FZD3: variants seen among roughly 807,000 people sequenced by gnomAD.
FZD3 encodes frizzled-3.
FZD3 carries 30 observed loss-of-function variants against 60.7 expected under a neutral mutation model. That is an observed-to-expected ratio of 0.49 (90% CI 0.37 to 0.67). FZD3 has a LOEUF of 0.67. Among genes scored for constraint, FZD3 ranks in the 30% least tolerant of loss-of-function variants. FZD3 has a pLI of 0.00. For missense variants in FZD3, 605 were observed against 838.7 expected, an observed-to-expected ratio of 0.72 and a Z score of 3.44; for synonymous variants, 246 against 275.2, an observed-to-expected ratio of 0.89 and a Z score of 1.05.
Position 28,509,381 on chromosome 8 carries a change from C to T in FZD3, c.189+6179C>T, listed in dbSNP as rs150880394. ...TTCACCTTTTTTGATACAGTTATAACGTTTGTTTTCCCCACACTGGTTTTT... is the reference window on the plus strand; with the variant it reads ...TTCACCTTTTTTGATACAGTTATAATGTTTGTTTTCCCCACACTGGTTTTT... On this transcript the variant is annotated intron_variant, in intron 3 of 7. Transcript: ENST00000240093. Among the ~76,000 whole-genome samples, 5 of 151,548 alleles carry T rather than the reference C, an allele frequency of 3.3e-5. No individual in the cohort carries two copies. The East Asian group carries it at 9.7e-4, about 29-fold the overall frequency.
At chr8:28,512,901 AG>A (rs1161615497) in intron 3 of FZD3, among the ~76,000 whole-genome samples, 1 of 152,208 alleles carries the variant, frequency 6.6e-6, no homozygotes, top group African/African-American at 2.4e-5. Flanking sequence ...TTTTATGGAT[AG>A]GCTTTTTAGA....
At chr8:28,512,736 A>G (rs1343069383) in intron 3 of FZD3, among the ~76,000 whole-genome samples, 1 of 152,132 alleles carries the variant, frequency 6.6e-6, no homozygotes, top group Non-Finnish European at 1.5e-5. Flanking sequence ...GCAAAGTGCT[A>G]AGGTGATTCA....
chr8:28,513,854 C>G (rs1286496609), intron 3 of FZD3, among the ~76,000 whole-genome samples: 1 of 152,150 alleles, frequency 6.6e-6, no homozygotes, highest in Non-Finnish European at 1.5e-5. Context: ...TCTCGTGAGT[C>G]AAATTTTGGC....
chr8:28,562,997 G>A lies in FZD3; in HGVS notation c.1987G>A (p.Gly663Arg), dbSNP rs765676935. Residue 663 changes from glycine (G) to arginine (R), a missense_variant, in exon 8 of 8, where the codon GGA becomes AGA. Gly to Arg is a moderately radical substitution (Grantham distance 125, BLOSUM62 -2). Transcript: ENST00000240093. ...TSMNRVIEED[G>R]TSA ...CATGAATCGGGTTATTGAAGAAGATGGAACCAGTGCTTAATTTGTCTTGTC... is the reference window on the plus strand; with the variant it reads ...CATGAATCGGGTTATTGAAGAAGATAGAACCAGTGCTTAATTTGTCTTGTC... The A allele has an allele frequency of 1.9e-6, 3 of 1,609,346 alleles. No individual in the cohort carries two copies. The highest frequency in any genetic ancestry group is 2.6e-6 in the Non-Finnish European group (3 of 1,175,642).
intron 4 of FZD3, among the ~76,000 whole-genome samples, chr8:28,526,325 A>G (rs965020300): frequency 2.0e-5 from 3 of 152,106 alleles, no homozygotes; most frequent in South Asian, 2.1e-4. Context: ...CTATGCTTAT[A>G]TTTGCTTACT....
chr8:28,543,371 C>T (rs559119500), intron 5 of FZD3, among the ~76,000 whole-genome samples: 1 of 150,448 alleles, frequency 6.6e-6, no homozygotes, highest in African/African-American at 2.5e-5. Context: ...TTGCCACACT[C>T]CACTGTTTTT....
rs1805827182 is a variant in FZD3 at position 28,572,644 on chromosome 8, G to A, written c.*9633G>A. On this transcript the variant is annotated 3_prime_UTR_variant, in exon 8 of 8. Transcript: ENST00000240093. ...GTTCATCTGTAAGTATCATTTAGAG[G>A]CAAAATAATTTCCCCCTCACATCTA... 1 of 152,046 alleles carries A rather than the reference G, an allele frequency of 6.6e-6. No homozygotes were observed. Among genetic ancestry groups the A allele is most frequent in the Non-Finnish European group, 1.5e-5 (1 of 67,960 alleles). 9.4% of individuals were successfully genotyped at this position (152,046 alleles called of 1,614,324 possible).
At position 28,567,773 on chromosome 8, in the gene FZD3, T is replaced by C. The variant is rs942240461; in HGVS notation, c.*4762T>C. 1 of 152,242 alleles carries C rather than the reference T, an allele frequency of 6.6e-6. No homozygotes were observed. Among genetic ancestry groups the C allele is most frequent in the Non-Finnish European group, 1.5e-5 (1 of 68,044 alleles). 9.4% of individuals were successfully genotyped at this position (152,242 alleles called of 1,614,324 possible). On this transcript the variant is annotated 3_prime_UTR_variant, in exon 8 of 8. Coordinates refer to ENST00000240093, the MANE Select transcript of FZD3 (RefSeq NM_017412.4). The stretch of plus-strand genomic sequence containing the variant: ...CTTAAATTGTATTGGTTCTTTAATA[T>C]GTGTTATACCAGAGTATGCCTCAAA...
chr8:28,525,379 C>CTA (rs762190174), intron 4 of FZD3, among the ~76,000 whole-genome samples: 7 of 152,124 alleles, frequency 4.6e-5, no homozygotes, highest in Non-Finnish European at 1.0e-4. Flanking sequence ...ATTCTATTTT[C>CTA]TATAGAGTCT....
intron 7 of FZD3, among the ~76,000 whole-genome samples, chr8:28,561,860 G>A (rs905208791): frequency 1.3e-5 from 2 of 152,168 alleles, no homozygotes; most frequent in African/African-American, 2.4e-5. Flanking sequence ...TTGATAAGTA[G>A]CATGCTAGCT....
rs1447984839 is a variant in FZD3, at chr8:28,537,527, GGTACAACTACTCAGCTTTGCTGCTA to G, written c.1404+9364_1404+9388del. Among the ~76,000 whole-genome samples the G allele has an allele frequency of 2.8e-3, 98 of 35,130 alleles. No homozygotes were observed. In the South Asian group the frequency reaches 0.032, roughly 12 times the overall value. 23.0% of individuals were successfully genotyped at this position (35,130 alleles called of 152,430 possible). On this transcript the variant is annotated intron_variant, in intron 5 of 7. Coordinates refer to ENST00000240093, the MANE Select transcript of FZD3 (RefSeq NM_017412.4). ...TGCAGCTACTCAGCTTTGCTGCTAT[GGTACAACTACTCAGCTTTGCTGCTA>G]TGGTACAAAAGCAGCCATAGACAGT...
chr8:28,547,132 T>C (rs547826341), intron 5 of FZD3, among the ~76,000 whole-genome samples: 1 of 152,228 alleles, frequency 6.6e-6, no homozygotes, highest in Non-Finnish European at 1.5e-5. Context: ...CTTTCAGTTA[T>C]GTTCACGCGT....
Position 28,520,681 on chromosome 8 carries a change from G to T in FZD3, c.233G>T (p.Arg78Leu), listed in dbSNP as rs763767677. 2.9e-5 allele frequency: 46 copies of T among 1,604,898 alleles called. No homozygotes were observed. The highest frequency in any genetic ancestry group is 3.7e-5 in the Non-Finnish European group (44 of 1,175,408). The change falls in exon 4 of 8, where the codon CGG becomes CTG. Residue 78 changes from arginine to leucine, a missense_variant. Coordinates refer to ENST00000240093, the MANE Select transcript of FZD3 (RefSeq NM_017412.4). ...MVNLDCSRDF[R>L]PFLCALYAPI... Reference sequence around the variant, plus strand: ...AATCTGGATTGTTCTCGGGATTTCCGGCCTTTTCTTTGTGCACTCTACGCT... The same window carrying T: ...AATCTGGATTGTTCTCGGGATTTCCTGCCTTTTCTTTGTGCACTCTACGCT...
intron 3 of FZD3, among the ~76,000 whole-genome samples, chr8:28,513,521 G>A (rs76734062): frequency 0.013 from 2,042 of 152,184 alleles, 49 homozygotes; most frequent in African/African-American, 0.047. Context: ...GATTAAAGGC[G>A]TTTTTACAAA....
chr8:28,562,905 A>C lies in FZD3; in HGVS notation c.1895A>C (p.Gln632Pro). The C allele has an allele frequency of 6.2e-7, 1 of 1,612,980 alleles. No homozygotes were observed. The highest frequency in any genetic ancestry group is 1.3e-5 in the African/African-American group (1 of 75,042). Residue 632 changes from glutamine (Q) to proline (P), a missense_variant, in exon 8 of 8, where the codon CAG (glutamine) becomes CCG (proline). Gln to Pro is a moderately conservative substitution (Grantham distance 76). Transcript: ENST00000240093. ...AGTAGTTCTCATCGGCTCAATGAAC[A>C]GTCACGACATAGCAGCATCAGAGAT... ...RHSSSHRLNE[Q>P]SRHSSIRDLS...
chr8:28,565,311 C>T lies in FZD3; in HGVS notation c.*2300C>T, dbSNP rs1332817237. ...GCTCAAAGCAGGCAGGTCTGAATTC[C>T]CTCATAACCGACAATTAGTAAACAT... is the stretch of plus-strand genomic sequence containing the variant. On this transcript the variant is annotated 3_prime_UTR_variant, in exon 8 of 8. Coordinates refer to ENST00000240093, the MANE Select transcript of FZD3 (RefSeq NM_017412.4). The T allele has an allele frequency of 2.6e-5, 4 of 152,022 alleles. No homozygotes were observed. The highest frequency in any genetic ancestry group is 4.4e-5 in the Non-Finnish European group (3 of 68,000). The allele number at this position is 152,022 out of a possible 1,614,324, so 9.4% of individuals were successfully genotyped here.
At chr8:28,539,599 A>G (rs1202113274) in intron 5 of FZD3, among the ~76,000 whole-genome samples, 1 of 152,204 alleles carries the variant, frequency 6.6e-6, no homozygotes, top group Non-Finnish European at 1.5e-5. Context: ...GTCACTTACC[A>G]GTTGTATGAC....
In FZD3 at chr8:28,563,946, T is replaced by C. The variant is rs1563409569; in HGVS notation, c.*935T>C. On this transcript the variant is annotated 3_prime_UTR_variant, in exon 8 of 8. Transcript: ENST00000240093. The stretch of plus-strand genomic sequence containing the variant: ...ATTGTTGTATTTTTCTACAGTGAGA[T>C]GTGATCTTGCCAAAGCCACCAGACC... The C allele has an allele frequency of 6.6e-6, 1 of 152,668 alleles. No homozygotes were observed. The highest frequency in any genetic ancestry group is 1.5e-5 in the Non-Finnish European group (1 of 68,044). The allele number at this position is 152,668 out of a possible 1,614,324, so 9.5% of individuals were successfully genotyped here.
At chr8:28,539,669 C>T (rs1002945549) in intron 5 of FZD3, among the ~76,000 whole-genome samples, 17 of 151,978 alleles carry the variant, frequency 1.1e-4, no homozygotes, top group Admixed American at 9.2e-4. Flanking sequence ...TGACCATAGG[C>T]TTGATATAAG....
Sources: gnomAD v4.1 joint callset for allele counts (sites outside exome capture counted in the v4.1 genomes callset) on GRCh38, gnomAD v4.1.1 for gene constraint, MANE v1.5 for transcripts, NCBI Gene and HGNC (gene_info 2026-07-23, HGNC 2026-07-21) for gene names.